The following RALYL variants were observed in gnomAD, a reference collection of about 807,000 sequenced individuals.
The protein encoded by RALYL is RALY RNA binding protein like.
Under a neutral mutation model 35.1 loss-of-function variants are expected in RALYL, and 29 were observed. The observed-to-expected ratio is 0.83, with a 90% CI of 0.61 to 1.13. The LOEUF is 1.13. Ranked by LOEUF, RALYL falls within the 50% of genes most tolerant of loss-of-function variation. The pLI is 0.00. For synonymous variants in RALYL, 120 were observed against 127.6 expected (o/e 0.94, Z 0.40); for missense variants, 359 against 360.4 (o/e 1.00, Z 0.03).
At chr8:84,416,093 T>C (rs560053786) in intron 1 of RALYL, among the ~76,000 whole-genome samples, 2 of 152,224 alleles carry the variant, frequency 1.3e-5, no homozygotes, top group African/African-American at 4.8e-5. Context: ...TCTTACCCAA[T>C]TGACACCCTT....
At chr8:84,220,462 T>A (rs563428667) in intron 1 of RALYL, among the ~76,000 whole-genome samples, 1 of 152,150 alleles carries the variant, frequency 6.6e-6, no homozygotes, top group African/African-American at 2.4e-5. Context: ...CACTAACTTT[T>A]GGGAAACATA....
In RALYL at chr8:84,774,663, A is replaced by G. The variant is rs1429288259; in HGVS notation, c.332+9A>G. Reference sequence around the variant, plus strand: ...CTTTCTGCACTTTACAGGTAAGTAGATAAGCACTGTTTTACTCTATATATT... The same window carrying G: ...CTTTCTGCACTTTACAGGTAAGTAGGTAAGCACTGTTTTACTCTATATATT... On this transcript the variant is annotated intron_variant, in intron 3 of 8. Transcript: ENST00000521268. 1.3e-6 allele frequency: 2 copies of G among 1,594,146 alleles called. No homozygotes were observed.
At chr8:84,612,975 T>C (rs1443824854) in intron 2 of RALYL, among the ~76,000 whole-genome samples, 1 of 151,730 alleles carries the variant, frequency 6.6e-6, no homozygotes, top group Non-Finnish European at 1.5e-5. Flanking sequence ...TGGATTATAC[T>C]CACTCTTCCC....
intron 7 of RALYL, among the ~76,000 whole-genome samples, chr8:84,881,847 A>T (rs984713953): frequency 6.6e-6 from 1 of 151,964 alleles, no homozygotes; most frequent in Non-Finnish European, 1.5e-5. Context: ...GATTTGAAGT[A>T]TTCCCTTGGT....
At chr8:84,685,985 C>G (rs1279457896) in intron 2 of RALYL, among the ~76,000 whole-genome samples, 2 of 152,096 alleles carry the variant, frequency 1.3e-5, no homozygotes, top group Non-Finnish European at 2.9e-5. Flanking sequence ...ATGGAGAGAG[C>G]TGGTGCATGT....
chr8:84,434,897 A>G (rs946604664), intron 1 of RALYL, among the ~76,000 whole-genome samples: 2 of 152,142 alleles, frequency 1.3e-5, no homozygotes, highest in African/African-American at 4.8e-5. Flanking sequence ...GCTAATATTG[A>G]TTTGGATTTG....
intron 6 of RALYL, chr8:84,864,646 A>G (rs375423778): frequency 1.2e-5 from 4 of 336,246 alleles, no homozygotes; most frequent in Admixed American, 3.4e-5. Flanking sequence ...TCCAGCATCA[A>G]TAAGATAGCT....
chr8:84,294,880 G>A (rs72696335), intron 1 of RALYL, among the ~76,000 whole-genome samples: 268 of 152,174 alleles, frequency 1.8e-3, no homozygotes, highest in Middle Eastern at 6.8e-3. Context: ...GTTTGGCTAG[G>A]GAACATAATT....
At chr8:84,310,989 G>A (rs1192924976) in intron 1 of RALYL, among the ~76,000 whole-genome samples, 2 of 122,056 alleles carry the variant, frequency 1.6e-5, no homozygotes, top group Non-Finnish European at 3.3e-5. Flanking sequence ...GGAGCTTGCA[G>A]TGAGCCGAGA....
chr8:84,798,162 G>A (rs1822378434), intron 3 of RALYL, among the ~76,000 whole-genome samples: 1 of 152,008 alleles, frequency 6.6e-6, no homozygotes, highest in Admixed American at 6.6e-5. Flanking sequence ...CATGACTCCT[G>A]AATCTATTTC....
At chr8:84,849,556 T>A (rs1453144398) in intron 4 of RALYL, among the ~76,000 whole-genome samples, 1 of 148,558 alleles carries the variant, frequency 6.7e-6, no homozygotes, top group East Asian at 2.0e-4. Flanking sequence ...AAGTTTTTTG[T>A]TTTTGTTTTT....
chr8:84,527,566 A>G, intron 1 of RALYL, among the ~76,000 whole-genome samples: 1 of 152,188 alleles, frequency 6.6e-6, no homozygotes, highest in Non-Finnish European at 1.5e-5. Flanking sequence ...TGTGGATTGT[A>G]TTACTGGTGT....
intron 2 of RALYL, among the ~76,000 whole-genome samples, chr8:84,571,897 A>C (rs2135796476): frequency 6.6e-6 from 1 of 151,952 alleles, no homozygotes; most frequent in Admixed American, 6.6e-5. Context: ...GAAATTGTTT[A>C]GTTTTCATGC....
chr8:84,587,034 C>T (rs1227723317), intron 2 of RALYL, among the ~76,000 whole-genome samples: 2 of 152,168 alleles, frequency 1.3e-5, no homozygotes, highest in East Asian at 3.9e-4. Flanking sequence ...CCCTGGATTT[C>T]AGTGGCAGTA....
At chr8:84,776,940 G>T (rs1201225957) in intron 3 of RALYL, among the ~76,000 whole-genome samples, 1 of 152,158 alleles carries the variant, frequency 6.6e-6, no homozygotes, top group Non-Finnish European at 1.5e-5. Context: ...GCTGTACACT[G>T]AAATTGCAAA....
intron 2 of RALYL, among the ~76,000 whole-genome samples, chr8:84,745,064 AAC>A (rs140133347): frequency 0.04 from 5,922 of 149,076 alleles, 360 homozygotes; most frequent in African/African-American, 0.14. Flanking sequence ...TCCCAAAACA[AAC>A]ACACACACAC....
At chr8:84,782,920 A>G (rs767246152) in intron 3 of RALYL, among the ~76,000 whole-genome samples, 6 of 152,214 alleles carry the variant, frequency 3.9e-5, no homozygotes, top group Non-Finnish European at 8.8e-5. Context: ...CTTTCTATCC[A>G]GTGACCTGTT....
intron 2 of RALYL, chr8:84,679,280 G>T (rs1301611712): frequency 1.8e-5 from 4 of 222,462 alleles, no homozygotes; most frequent in Non-Finnish European, 3.7e-5. Context: ...TTACCATGAT[G>T]CCAGTGGAGT....
At chr8:84,792,543 C>T (rs1821041753) in intron 3 of RALYL, among the ~76,000 whole-genome samples, 1 of 152,180 alleles carries the variant, frequency 6.6e-6, no homozygotes. Context: ...GGCATGAAAA[C>T]AGGAATGCCT....
Sources: gnomAD v4.1 joint callset for allele counts (sites outside exome capture counted in the v4.1 genomes callset) on GRCh38, gnomAD v4.1.1 for gene constraint, MANE v1.5 for transcripts, NCBI Gene and HGNC (gene_info 2026-07-23, HGNC 2026-07-21) for gene names.